The following DENND1A variants were observed in gnomAD, a reference collection of about 807,000 sequenced individuals.
DENND1A encodes DENN domain containing 1A.
Under a neutral mutation model 113.7 loss-of-function variants are expected in DENND1A, and 51 were observed. That is an observed-to-expected ratio of 0.45 (90% confidence interval 0.36 to 0.57). The LOEUF (loss-of-function observed/expected upper bound fraction) is 0.57. Among genes scored for constraint, DENND1A ranks in the 20% least tolerant of loss-of-function variants. DENND1A has a pLI of 0.00. For missense variants in DENND1A, 1,258 were observed against 1,395.9 expected (o/e 0.90, Z 1.57); for synonymous variants, 565 against 570.8 (o/e 0.99, Z 0.14).
At chr9:123,542,223 G>A (rs2056342539) in intron 13 of DENND1A, among the ~76,000 whole-genome samples, 1 of 152,152 alleles carries the variant, frequency 6.6e-6, no homozygotes, top group South Asian at 2.1e-4. Context: ...TTATAAAATA[G>A]AAACCAGCCA....
chr9:123,414,500 T>C (rs1222344817), intron 19 of DENND1A: 149 of 1,542,740 alleles, frequency 9.7e-5, no homozygotes, highest in South Asian at 6.8e-4. Flanking sequence ...GGGAGACGCA[T>C]TGTGTGAAGG....
intron 1 of DENND1A, among the ~76,000 whole-genome samples, chr9:123,903,189 G>A (rs965127329): frequency 2.1e-4 from 31 of 150,998 alleles, no homozygotes; most frequent in African/African-American, 6.1e-4. Flanking sequence ...AAAATTAGCC[G>A]GGCATAGTGG....
Position 123,757,616 on chromosome 9 carries a change from C to G in DENND1A, c.302+87G>C, listed in dbSNP as rs923053078. 21 of 1,548,854 alleles carry G rather than the reference C, an allele frequency of 1.4e-5. No homozygotes were observed. In the African/African-American group the frequency reaches 2.6e-4, roughly 19 times the overall value. ...GAAACAGATAGGAAAATGAAATGAA[C>G]AGCTGGAAGATTTAATTACGGAAGA... On this transcript the variant is annotated intron_variant, in intron 5 of 23. Transcript: ENST00000394215.
chr9:123,495,663 A>C (rs1198607544), intron 13 of DENND1A, among the ~76,000 whole-genome samples: 2 of 152,222 alleles, frequency 1.3e-5, no homozygotes, highest in African/African-American at 4.8e-5. Flanking sequence ...TTAGACTGTT[A>C]GATTCTTTTA....
chr9:123,391,881 G>A (rs1177881278), intron 21 of DENND1A, among the ~76,000 whole-genome samples: 1 of 151,786 alleles, frequency 6.6e-6, no homozygotes, highest in African/African-American at 2.4e-5. Flanking sequence ...CTGTGAAAAG[G>A]CAGGTTGCGG....
At chr9:123,485,092 G>A (rs987059453) in intron 13 of DENND1A, among the ~76,000 whole-genome samples, 1 of 152,228 alleles carries the variant, frequency 6.6e-6, no homozygotes, top group Non-Finnish European at 1.5e-5. Context: ...CAGGGCAGGA[G>A]CTGCACTTCT....
rs547802229 is a variant in DENND1A at position 123,867,410 on chromosome 9, T to C, written c.88+11541A>G. Among the ~76,000 whole-genome samples the C allele has an allele frequency of 5.9e-5, 9 of 152,324 alleles. No homozygotes were observed. In the East Asian group the frequency reaches 1.4e-3, roughly 23 times the overall value. The stretch of plus-strand genomic sequence containing the variant: ...GTGTGATAATAAGACCTCGGGCATG[T>C]AGACTCCTGGGGAAATCAGTCTTAC... On this transcript the variant is annotated intron_variant, in intron 2 of 23. Coordinates refer to ENST00000394215, the MANE Select transcript of DENND1A (RefSeq NM_001352964.2).
intron 5 of DENND1A, among the ~76,000 whole-genome samples, chr9:123,691,358 A>T (rs1055371286): frequency 1.3e-5 from 2 of 152,164 alleles, no homozygotes; most frequent in African/African-American, 4.8e-5. Context: ...TGGCAGCACC[A>T]AGGAAGGGCA....
chr9:123,690,696 C>T (rs2065136104), intron 5 of DENND1A, among the ~76,000 whole-genome samples: 1 of 152,074 alleles, frequency 6.6e-6, no homozygotes, highest in Non-Finnish European at 1.5e-5. Flanking sequence ...AAAAAACAAA[C>T]AAACAGCCAC....
chr9:123,861,229 T>C (rs1845015637), intron 2 of DENND1A, among the ~76,000 whole-genome samples: 1 of 152,100 alleles, frequency 6.6e-6, no homozygotes, highest in African/African-American at 2.4e-5. Flanking sequence ...TAAGAAAAAT[T>C]CTCCTTCAAA....
At chr9:123,829,413 T>G (rs1362862280) in intron 2 of DENND1A, among the ~76,000 whole-genome samples, 1 of 151,300 alleles carries the variant, frequency 6.6e-6, no homozygotes, top group Admixed American at 6.6e-5. Context: ...AAGAAAAAAA[T>G]CATCTCCAAT....
At chr9:123,640,670 T>C (rs1412986355) in intron 9 of DENND1A, among the ~76,000 whole-genome samples, 1 of 152,240 alleles carries the variant, frequency 6.6e-6, no homozygotes, top group Non-Finnish European at 1.5e-5. Context: ...AGGTAACATT[T>C]ACAGAGTGAA....
intron 21 of DENND1A, chr9:123,401,482 A>G: frequency 8.4e-7 from 1 of 1,187,102 alleles, no homozygotes; most frequent in Non-Finnish European, 1.1e-6. Context: ...GATGTCCTGA[A>G]ACGTACCCCT....
At chr9:123,837,910 T>C (rs1841278201) in intron 2 of DENND1A, among the ~76,000 whole-genome samples, 1 of 152,210 alleles carries the variant, frequency 6.6e-6, no homozygotes. Context: ...TTTCTTTCAT[T>C]CCTCCTATGA....
intron 3 of DENND1A, among the ~76,000 whole-genome samples, chr9:123,784,032 T>C (rs923307974): frequency 4.6e-5 from 7 of 151,418 alleles, no homozygotes; most frequent in Non-Finnish European, 8.8e-5. Context: ...GAGGTAGGAG[T>C]TGCAGGACAG....
At chr9:123,913,899 C>CAAA (rs539054836) in intron 1 of DENND1A, among the ~76,000 whole-genome samples, 1,466 of 108,146 alleles carry the variant, frequency 0.014, 18 homozygotes, top group Non-Finnish European at 0.021. Context: ...ACTCCTATCT[C>CAAA]AAAAAAAAAA....
chr9:123,586,836 A>G (rs879385524), intron 11 of DENND1A, among the ~76,000 whole-genome samples: 6 of 152,102 alleles, frequency 3.9e-5, no homozygotes, highest in Admixed American at 6.6e-5. Flanking sequence ...TAACCATGCC[A>G]TCAGTCAGGG....
intron 11 of DENND1A, among the ~76,000 whole-genome samples, chr9:123,594,220 G>C (rs1298850654): frequency 6.6e-6 from 1 of 152,182 alleles, no homozygotes; most frequent in Non-Finnish European, 1.5e-5. Context: ...ACAGAGGCCT[G>C]TGTGTATCAG....
intron 9 of DENND1A, among the ~76,000 whole-genome samples, chr9:123,642,044 G>T (rs191504345): frequency 1.8e-3 from 269 of 152,316 alleles, no homozygotes; most frequent in African/African-American, 6.1e-3. Context: ...GAAGGTAAGA[G>T]CTAGCAGAGA....
Sources: allele counts gnomAD v4.1 joint callset (sites outside exome capture counted in the v4.1 genomes callset), GRCh38; gene constraint gnomAD v4.1.1; transcripts MANE v1.5; gene names NCBI Gene and HGNC (gene_info 2026-07-23, HGNC 2026-07-21).